The following AGBL4 variants were observed in gnomAD, a reference collection of about 807,000 sequenced individuals.
AGBL4 encodes cytosolic carboxypeptidase 6.
AGBL4 carries 58 observed loss-of-function variants against 66.4 expected under a neutral mutation model. The ratio of observed to expected loss-of-function variants is 0.87; its 90% CI spans 0.71 to 1.09. The LOEUF is 1.09. Among genes scored for constraint, AGBL4 ranks in the 50% least tolerant of loss-of-function variants. AGBL4 has a pLI of 0.00. For missense variants in AGBL4, 579 were observed against 631.0 expected, an observed-to-expected ratio of 0.92 and a Z score of 0.88; for synonymous variants, 234 against 222.9, an observed-to-expected ratio of 1.05 and a Z score of -0.44.
the AGBL4 span, among the ~76,000 whole-genome samples, chr1:48,526,799 A>G: frequency 3.6e-4 from 55 of 151,924 alleles, no homozygotes; most frequent in Middle Eastern, 6.8e-3. Context: ...AATTGTTATG[A>G]TGTTTATTGT....
At chr1:48,712,136 A>G (rs558115466) in intron 6 of AGBL4, among the ~76,000 whole-genome samples, 2 of 152,186 alleles carry the variant, frequency 1.3e-5, no homozygotes, top group Admixed American at 6.5e-5. Context: ...TTCTCCCCCC[A>G]GGAAGGGGCC....
intron 3 of AGBL4, among the ~76,000 whole-genome samples, chr1:49,563,856 A>G (rs1187801753): frequency 3.3e-5 from 5 of 151,936 alleles, no homozygotes; most frequent in Admixed American, 6.6e-5. Context: ...CTCTTTTTCT[A>G]TTGATTGGAA....
intron 1 of AGBL4, among the ~76,000 whole-genome samples, chr1:49,860,466 T>C (rs923200162): frequency 6.6e-6 from 1 of 152,222 alleles, no homozygotes. Flanking sequence ...GGAAGGCAGA[T>C]GCAAGTGAAT....
Position 49,221,057 on chromosome 1 carries a change from T to G in AGBL4, c.377+24713A>C, listed in dbSNP as rs144457558. Among the ~76,000 whole-genome samples, 1,010 of 152,194 alleles carry G rather than the reference T, an allele frequency of 6.6e-3. 8 individuals carry two copies. The highest frequency in any genetic ancestry group is 0.01 in the Non-Finnish European group (694 of 68,008). ...CAATAGCTCACAATCAGAAATAAGG[T>G]GCTCAGTAAATTAAAGCTAAAGAAA... On this transcript the variant is annotated intron_variant, in intron 4 of 13. Coordinates refer to ENST00000371839, the MANE Select transcript of AGBL4 (RefSeq NM_032785.4).
chr1:49,629,724 G>C (rs1185141576), intron 3 of AGBL4, among the ~76,000 whole-genome samples: 1 of 152,076 alleles, frequency 6.6e-6, no homozygotes, highest in Non-Finnish European at 1.5e-5. Context: ...CCAAATACAT[G>C]GTCATCAGTC....
At chr1:49,528,880 G>A (rs1570955716) in intron 3 of AGBL4, among the ~76,000 whole-genome samples, 1 of 152,128 alleles carries the variant, frequency 6.6e-6, no homozygotes, top group South Asian at 2.1e-4. Context: ...GAGCTGTGTG[G>A]GTGTATAAAC....
chr1:48,634,140 A>G (rs935464450), intron 9 of AGBL4: 3 of 164,356 alleles, frequency 1.8e-5, no homozygotes, highest in African/African-American at 7.2e-5. Flanking sequence ...CAATTACATG[A>G]CATGCCCTTG....
intron 11 of AGBL4, among the ~76,000 whole-genome samples, chr1:48,546,446 A>C (rs1477873911): frequency 1.3e-5 from 2 of 152,220 alleles, no homozygotes; most frequent in Non-Finnish European, 2.9e-5. Flanking sequence ...AAGGACAAAG[A>C]CCGGTCTTAA....
intron 1 of AGBL4, among the ~76,000 whole-genome samples, chr1:49,971,010 G>C (rs1156304126): frequency 2.0e-5 from 3 of 152,132 alleles, no homozygotes; most frequent in Non-Finnish European, 1.5e-5. Flanking sequence ...AGTTGAATGA[G>C]TGTGAGGATG....
In AGBL4 at chr1:50,023,760, G is replaced by A. The variant is rs1171125601; in HGVS notation, c.34+3C>T. ...CTTCCCCAGATCGGCCGCCCCCACA[G>A]ACCTGCCTCAGGCGCCGACTGGCTC... On this transcript the variant is annotated splice_donor_region_variant and intron_variant, in intron 1 of 13. Coordinates refer to ENST00000371839, the MANE Select transcript of AGBL4 (RefSeq NM_032785.4). 3.2e-6 allele frequency: 5 copies of A among 1,549,158 alleles called. No homozygotes were observed. Among genetic ancestry groups the A allele is most frequent in the Admixed American group, 2.0e-5 (1 of 50,686 alleles).
intron 3 of AGBL4, among the ~76,000 whole-genome samples, chr1:49,389,584 C>A (rs1049433096): frequency 2.0e-5 from 3 of 152,070 alleles, no homozygotes; most frequent in African/African-American, 7.2e-5. Flanking sequence ...CTGAACTAAG[C>A]TGGTTTCCTG....
intron 5 of AGBL4, among the ~76,000 whole-genome samples, chr1:48,972,762 T>C (rs187879887): frequency 1.3e-5 from 2 of 152,302 alleles, no homozygotes; most frequent in East Asian, 3.9e-4. Flanking sequence ...AATTGTTCAT[T>C]TTTTGGCAGA....
At chr1:49,378,892 G>A (rs916250414) in intron 3 of AGBL4, among the ~76,000 whole-genome samples, 1 of 152,064 alleles carries the variant, frequency 6.6e-6, no homozygotes, top group Admixed American at 6.6e-5. Context: ...GTGTGGTCTG[G>A]TGTGTTACCC....
chr1:48,550,488 A>G (rs543013791), intron 11 of AGBL4, among the ~76,000 whole-genome samples: 2 of 152,228 alleles, frequency 1.3e-5, no homozygotes, highest in Admixed American at 6.5e-5. Context: ...ATGTGATTGT[A>G]TTTAGGACCT....
chr1:49,826,673 G>A lies in AGBL4; in HGVS notation c.157+24723C>T, dbSNP rs531454814. On this transcript the variant is annotated intron_variant, in intron 2 of 13. Coordinates refer to ENST00000371839, the MANE Select transcript of AGBL4 (RefSeq NM_032785.4). ...ATCCATGAAAGAAGAAGGCTTTAGG[G>A]TGAGTATAAACTTGCCAATTATTTT... Among the ~76,000 whole-genome samples, 15 of 152,336 alleles carry A rather than the reference G, an allele frequency of 9.8e-5. No individual in the cohort carries two copies. In the South Asian group the frequency reaches 1.7e-3, roughly 17 times the overall value.
intron 6 of AGBL4, among the ~76,000 whole-genome samples, chr1:48,747,443 A>G (rs1421748969): frequency 3.3e-5 from 5 of 152,218 alleles, no homozygotes; most frequent in Admixed American, 6.5e-5. Flanking sequence ...CTGACTGCAT[A>G]TCAAGATCTA....
chr1:49,299,264 C>T (rs1219367839), intron 3 of AGBL4, among the ~76,000 whole-genome samples: 1 of 152,116 alleles, frequency 6.6e-6, no homozygotes, highest in African/African-American at 2.4e-5. Context: ...ATCTTACTTT[C>T]CCCCCTGTAC....
intron 1 of AGBL4, among the ~76,000 whole-genome samples, chr1:49,965,040 C>T (rs1284419340): frequency 6.6e-6 from 1 of 152,188 alleles, no homozygotes. Context: ...TCAAAACCCA[C>T]GTGAGTACAT....
chr1:49,707,175 G>A (rs1465307996), intron 2 of AGBL4, among the ~76,000 whole-genome samples: 1 of 152,074 alleles, frequency 6.6e-6, no homozygotes, highest in African/African-American at 2.4e-5. Context: ...CTGTGTGGGA[G>A]TCTGTCTCTT....
Sources: gnomAD v4.1 joint callset for allele counts (sites outside exome capture counted in the v4.1 genomes callset) on GRCh38, gnomAD v4.1.1 for gene constraint, MANE v1.5 for transcripts, NCBI Gene and HGNC (gene_info 2026-07-23, HGNC 2026-07-21) for gene names.